PDXDC1: variants seen among roughly 807,000 people sequenced by gnomAD.
The protein encoded by PDXDC1 is pyridoxal-dependent decarboxylase domain-containing protein 1.
A neutral mutation model predicts 100.1 loss-of-function variants in PDXDC1; 42 were observed. That is an observed-to-expected ratio of 0.42 (90% CI 0.33 to 0.54). PDXDC1 has a LOEUF of 0.54. Among genes scored for constraint, PDXDC1 ranks in the 20% least tolerant of loss-of-function variants. The pLI is 0.10. For synonymous variants in PDXDC1, 260 were observed against 371.7 expected (o/e 0.70, Z 3.46); for missense variants, 636 against 979.2 (o/e 0.65, Z 4.68).
At chr16:15,099,419 CAA>C (rs768689960) in intron 16 of PDXDC1, among the ~76,000 whole-genome samples, 6 of 40,948 alleles carry the variant, frequency 1.5e-4, no homozygotes, top group South Asian at 1.1e-3. Flanking sequence ...GACTTGGTCT[CAA>C]AAAAAAAAAA....
At chr16:15,043,646 T>A (rs2043924179) in intron 16 of PDXDC1, among the ~76,000 whole-genome samples, 1 of 152,172 alleles carries the variant, frequency 6.6e-6, no homozygotes, top group South Asian at 2.1e-4. Flanking sequence ...TTCTTTCTTT[T>A]TTGAAAATAT....
chr16:14,998,172 A>C (rs567313601), intron 2 of PDXDC1, among the ~76,000 whole-genome samples, 168 bp from the exon 3 acceptor site: 1 of 152,398 alleles, frequency 6.6e-6, no homozygotes, highest in East Asian at 1.9e-4. Context: ...CTTTTCCAGA[A>C]ATTCAAACGA....
intron 14 of PDXDC1, among the ~76,000 whole-genome samples, chr16:15,028,067 G>A (rs552268801): frequency 1.8e-4 from 27 of 152,374 alleles, no homozygotes; most frequent in East Asian, 5.8e-4. Flanking sequence ...CATTTCGGTC[G>A]AACAAAGGCC....
At chr16:14,991,129 A>C (rs538420665) in intron 1 of PDXDC1, among the ~76,000 whole-genome samples, 14 of 152,402 alleles carry the variant, frequency 9.2e-5, no homozygotes, top group African/African-American at 2.9e-4. Flanking sequence ...GGGATTGTGA[A>C]TCTGCATTTC....
intron 12 of PDXDC1, among the ~76,000 whole-genome samples, chr16:15,021,067 A>T (rs1390229613): frequency 1.3e-5 from 2 of 152,102 alleles, no homozygotes; most frequent in African/African-American, 2.4e-5. Flanking sequence ...ATATGTTAGG[A>T]TAGTTCAACA....
At chr16:15,079,855 C>G in intron 16 of PDXDC1, 2 of 950,126 alleles carry the variant, frequency 2.1e-6, no homozygotes, top group East Asian at 6.3e-5. Flanking sequence ...CCTCGGCCTC[C>G]CAAAGTGCTG....
At chr16:14,996,458 A>C (rs1187646121) in intron 1 of PDXDC1, 2 of 218,218 alleles carry the variant, frequency 9.2e-6, no homozygotes, top group African/African-American at 4.7e-5. Flanking sequence ...ATAATATATA[A>C]TTTATTGTTA....
chr16:15,140,832 G>A (rs1328033229), downstream of PDXDC1, among the ~76,000 whole-genome samples: 4 of 152,176 alleles, frequency 2.6e-5, no homozygotes, highest in East Asian at 3.9e-4. Context: ...CTGGCACAGG[G>A]ACTGTGGCTC....
chr16:15,062,041 T>C (rs2966157), intron 16 of PDXDC1: 619,445 of 862,606 alleles, frequency 0.72, 226,256 homozygotes, highest in Middle Eastern at 0.78. Flanking sequence ...AAAGCCAGTG[T>C]AGTGGCACAC....
chr16:15,048,188 C>T (rs956707610), intron 16 of PDXDC1: 31 of 849,050 alleles, frequency 3.7e-5, no homozygotes, highest in Non-Finnish European at 5.5e-5. Context: ...GTGGGCTCTG[C>T]GTGGGCAGCA....
At chr16:15,144,737 G>A in the PDXDC1 span, among the ~76,000 whole-genome samples, 16 of 152,296 alleles carry the variant, frequency 1.1e-4, no homozygotes, top group African/African-American at 3.4e-4. Context: ...TGGAGACTCC[G>A]GCCTCGGAGG....
At chr16:15,072,856 T>G (rs2045294877) in intron 16 of PDXDC1, 1 of 1,249,128 alleles carries the variant, frequency 8.0e-7, no homozygotes, top group Non-Finnish European at 1.1e-6. Flanking sequence ...AAAGAATTAT[T>G]TACTTCATGG....
intron 3 of PDXDC1, among the ~76,000 whole-genome samples, chr16:14,999,300 C>T (rs1431197517): frequency 6.6e-6 from 1 of 152,272 alleles, no homozygotes; most frequent in African/African-American, 2.4e-5. Flanking sequence ...CTCCTGACCT[C>T]AGGTGATCCG....
chr16:15,026,341 T>A (rs1311480133), intron 13 of PDXDC1: 10 of 449,224 alleles, frequency 2.2e-5, no homozygotes, highest in Admixed American at 4.0e-5. Context: ...CTTACTGGTT[T>A]TAATCTTTAA....
intron 11 of PDXDC1, among the ~76,000 whole-genome samples, chr16:15,017,965 T>C (rs1469479294): frequency 6.6e-6 from 1 of 152,254 alleles, no homozygotes; most frequent in Non-Finnish European, 1.5e-5. Flanking sequence ...CGGCTTATTT[T>C]GTATTTTTAG....
chr16:15,093,825 C>T (rs2046238634), intron 16 of PDXDC1: 2 of 415,420 alleles, frequency 4.8e-6, no homozygotes, highest in South Asian at 3.2e-5. Context: ...AGGGAAATCC[C>T]TTCCAAATTT....
At chr16:15,015,045 C>T (rs1194307320) in intron 8 of PDXDC1, among the ~76,000 whole-genome samples, 1 of 152,284 alleles carries the variant, frequency 6.6e-6, no homozygotes, top group Admixed American at 6.5e-5. Context: ...TCACGCCATT[C>T]TCCCGCCTCG....
At chr16:14,990,194 G>A in intron 1 of PDXDC1, 1 of 1,135,930 alleles carries the variant, frequency 8.8e-7, no homozygotes, top group Non-Finnish European at 1.1e-6. Context: ...GCGCGAGGGC[G>A]GCCGCCGGGC....
At chr16:15,133,455 C>G (rs1405597433) in intron 16 of PDXDC1, 1 of 912,248 alleles carries the variant, frequency 1.1e-6, no homozygotes, top group Non-Finnish European at 1.7e-6. Context: ...GAGCAGGTGG[C>G]AGTCTCGGGG....
Sources: gnomAD v4.1 joint callset for allele counts (sites outside exome capture counted in the v4.1 genomes callset) on GRCh38, gnomAD v4.1.1 for gene constraint, MANE v1.5 for transcripts, NCBI Gene and HGNC (gene_info 2026-07-23, HGNC 2026-07-21) for gene names.